Variants in PCDH9 observed in about 807,000 individuals in gnomAD.
PCDH9 encodes the protein protocadherin 9, also known as protocadherin-9.
A neutral mutation model predicts 70.6 loss-of-function variants in PCDH9; 24 were observed. The ratio of observed to expected loss-of-function variants is 0.34; its 90% CI spans 0.25 to 0.48. PCDH9 has a LOEUF of 0.48. PCDH9 is among the 20% of genes least tolerant of loss of function. The pLI, the probability that PCDH9 is intolerant of heterozygous loss-of-function variation, is 0.99. For synonymous variants in PCDH9, 562 were observed against 558.5 expected (o/e 1.01, Z -0.09); for missense variants, 1,281 against 1,503.6 (o/e 0.85, Z 2.45).
intron 4 of PCDH9, among the ~76,000 whole-genome samples, chr13:66,464,091 T>C (rs887293206): frequency 6.6e-6 from 1 of 151,928 alleles, no homozygotes; most frequent in Admixed American, 6.6e-5. Context: ...ATTTATTTTG[T>C]AATATGAAAT....
chr13:67,088,760 C>A (rs1485144710), intron 2 of PCDH9, among the ~76,000 whole-genome samples: 10 of 152,014 alleles, frequency 6.6e-5, no homozygotes, highest in Non-Finnish European at 1.0e-4. Flanking sequence ...TCTGTAACAT[C>A]TTTTGCTTTA....
At chr13:66,634,303 A>AC (rs1296594680) in intron 3 of PCDH9, among the ~76,000 whole-genome samples, 2 of 152,204 alleles carry the variant, frequency 1.3e-5, no homozygotes, top group Non-Finnish European at 2.9e-5. Flanking sequence ...GTATGAAGCA[A>AC]ATTGATGAAA....
At chr13:66,437,524 C>A (rs1957894844) in intron 4 of PCDH9, among the ~76,000 whole-genome samples, 1 of 148,826 alleles carries the variant, frequency 6.7e-6, no homozygotes, top group Non-Finnish European at 1.5e-5. Context: ...TCACATACAT[C>A]AAAAAAATCA....
At chr13:66,945,456 G>C (rs562527774) in intron 2 of PCDH9, among the ~76,000 whole-genome samples, 1 of 152,240 alleles carries the variant, frequency 6.6e-6, no homozygotes, top group East Asian at 1.9e-4. Flanking sequence ...AAAGAACCTA[G>C]AAGGGTAAAA....
intron 4 of PCDH9, among the ~76,000 whole-genome samples, chr13:66,446,026 A>T (rs1324335773): frequency 1.3e-5 from 2 of 151,892 alleles, no homozygotes; most frequent in East Asian, 3.8e-4. Flanking sequence ...CAAACTATTT[A>T]AAAATAAAGC....
chr13:66,367,512 T>G (rs1300005688), intron 4 of PCDH9, among the ~76,000 whole-genome samples: 1 of 152,156 alleles, frequency 6.6e-6, no homozygotes, highest in East Asian at 1.9e-4. Context: ...GGGAAGCATT[T>G]TTAACTAAAC....
intron 2 of PCDH9, among the ~76,000 whole-genome samples, chr13:67,130,542 A>G (rs968743932): frequency 5.9e-5 from 9 of 152,104 alleles, no homozygotes; most frequent in Admixed American, 2.0e-4. Context: ...GGCCATGAGA[A>G]ACACCCTGCC....
At chr13:66,938,088 T>C (rs960838792) in intron 2 of PCDH9, among the ~76,000 whole-genome samples, 2 of 152,180 alleles carry the variant, frequency 1.3e-5, no homozygotes, top group African/African-American at 4.8e-5. Flanking sequence ...TGGTTCAGAA[T>C]AGATTGTAGT....
chr13:66,833,108 T>C (rs1173103885), intron 3 of PCDH9, among the ~76,000 whole-genome samples: 1 of 152,136 alleles, frequency 6.6e-6, no homozygotes, highest in Admixed American at 6.6e-5. Flanking sequence ...CCAACAAGTA[T>C]TTACCCTTCC....
chr13:66,344,961 C>T (rs990806610), intron 4 of PCDH9, among the ~76,000 whole-genome samples: 4 of 152,142 alleles, frequency 2.6e-5, no homozygotes, highest in Non-Finnish European at 5.9e-5. Flanking sequence ...TCTTGATTGC[C>T]TTCTTTAAAA....
At chr13:66,553,193 A>T (rs530822894) in intron 4 of PCDH9, among the ~76,000 whole-genome samples, 5 of 152,314 alleles carry the variant, frequency 3.3e-5, no homozygotes, top group African/African-American at 1.2e-4. Context: ...AAAACAAAAA[A>T]TCACTAACTA....
chr13:66,483,949 G>A (rs1218860610), intron 4 of PCDH9, among the ~76,000 whole-genome samples: 1 of 152,056 alleles, frequency 6.6e-6, no homozygotes, highest in Non-Finnish European at 1.5e-5. Flanking sequence ...ACATCGAGGG[G>A]AGCACCCCCA....
chr13:66,559,833 TACACAC>T (rs56660850), intron 4 of PCDH9, among the ~76,000 whole-genome samples: 4 of 87,100 alleles, frequency 4.6e-5, no homozygotes, highest in African/African-American at 8.3e-5. Flanking sequence ...TATATATATA[TACACAC>T]ACACACACAC....
chr13:66,660,137 G>C (rs1249983646), intron 3 of PCDH9, among the ~76,000 whole-genome samples: 1 of 152,192 alleles, frequency 6.6e-6, no homozygotes, highest in African/African-American at 2.4e-5. Context: ...TTGAGGTATG[G>C]AAGACGAACA....
chr13:66,890,484 A>G (rs1044415712), intron 3 of PCDH9, among the ~76,000 whole-genome samples: 6 of 105,924 alleles, frequency 5.7e-5, no homozygotes, highest in Non-Finnish European at 9.6e-5. Context: ...TAAGGCATTT[A>G]CTCTAGAAAA....
In PCDH9 at chr13:66,414,658, T is replaced by G. The variant is rs1957432172; in HGVS notation, c.3341-109630A>C. Reference sequence around the variant, plus strand: ...GTTTTTGCAGGATGCTACTAAATACTGCTGAAAATGCGGAACATATGTTAT... The same window carrying G: ...GTTTTTGCAGGATGCTACTAAATACGGCTGAAAATGCGGAACATATGTTAT... On this transcript the variant is annotated intron_variant, in intron 4 of 4. Transcript: ENST00000377865. Among the ~76,000 whole-genome samples the G allele has an allele frequency of 2.6e-5, 4 of 152,348 alleles. No homozygotes were observed. The South Asian group carries it at 8.3e-4, about 32-fold the overall frequency.
At chr13:67,171,322 T>C (rs182778053) in intron 2 of PCDH9, among the ~76,000 whole-genome samples, 5 of 152,164 alleles carry the variant, frequency 3.3e-5, no homozygotes, top group African/African-American at 9.7e-5. Context: ...AGGGTAACAG[T>C]TGACTTTTCC....
chr13:66,627,890 A>G (rs2077519066), intron 4 of PCDH9, among the ~76,000 whole-genome samples: 1 of 152,168 alleles, frequency 6.6e-6, no homozygotes, highest in Non-Finnish European at 1.5e-5. Context: ...TCCATTTGGC[A>G]CCTGGCCCAT....
chr13:67,033,365 T>C (rs1464558144), intron 2 of PCDH9, among the ~76,000 whole-genome samples: 1 of 152,164 alleles, frequency 6.6e-6, no homozygotes, highest in Non-Finnish European at 1.5e-5. Flanking sequence ...CAGGAAGTGT[T>C]CTTGTAAAGT....
Sources: gnomAD v4.1 joint callset for allele counts (sites outside exome capture counted in the v4.1 genomes callset) on GRCh38, gnomAD v4.1.1 for gene constraint, MANE v1.5 for transcripts, NCBI Gene and HGNC (gene_info 2026-07-23, HGNC 2026-07-21) for gene names.